The following CFAP65 variants were observed in gnomAD, a reference collection of about 807,000 sequenced individuals.
The protein encoded by CFAP65 is cilia- and flagella-associated protein 65.
CFAP65 carries 155 observed loss-of-function variants against 208.0 expected under a neutral mutation model. That is an observed-to-expected ratio of 0.75 (90% CI 0.65 to 0.85). The LOEUF is 0.85. Among genes scored for constraint, CFAP65 ranks in the 40% least tolerant of loss-of-function variants. CFAP65 has a pLI of 0.00. For missense variants in CFAP65, 2,294 were observed against 2,451.3 expected, an observed-to-expected ratio of 0.94 and a Z score of 1.36; for synonymous variants, 970 against 986.3, an observed-to-expected ratio of 0.98 and a Z score of 0.31.
Position 219,005,499 on chromosome 2 carries a change from G to A in CFAP65, c.4986C>T (p.Asn1662=). ...TCTGCTTGGAAACAGGGCCCCACTTGTTAGGGGATTTTTCCTCAGAAGTCT... is the reference window on the plus strand; with the variant it reads ...TCTGCTTGGAAACAGGGCCCCACTTATTAGGGGATTTTTCCTCAGAAGTCT... The part of the protein sequence containing the change: ...ESETSEEKSP[N]KWGPVSKQKK... Residue 1662 remains asparagine (N), a synonymous_variant, in exon 32 of 35, where the codon AAC becomes AAT. Transcript: ENST00000341552. The A allele has an allele frequency of 6.2e-7, 1 of 1,613,546 alleles. No homozygotes were observed. The highest frequency in any genetic ancestry group is 1.1e-5 in the South Asian group (1 of 91,058).
chr2:219,026,259 A>T (rs1044501576), intron 13 of CFAP65, 100 bp from the exon 14 acceptor site: 1 of 1,275,350 alleles, frequency 7.8e-7, no homozygotes, highest in Non-Finnish European at 1.1e-6. Flanking sequence ...CAGGAGTCTG[A>T]CATTGGACAC....
intron 5 of CFAP65, chr2:219,035,083 A>G: frequency 2.5e-6 from 1 of 407,354 alleles, no homozygotes; most frequent in Non-Finnish European, 4.3e-6. Context: ...AAGGTCACCA[A>G]TTTAACAACT....
chr2:219,009,370 A>G lies in CFAP65; in HGVS notation c.4543T>C (p.Tyr1515His). The G allele has an allele frequency of 6.2e-7, 1 of 1,612,460 alleles. No individual in the cohort carries two copies. Among genetic ancestry groups the G allele is most frequent in the South Asian group, 1.1e-5 (1 of 91,078 alleles). The change falls in exon 28 of 35, where the codon TAC (tyrosine) becomes CAC (histidine). Residue 1515 changes from tyrosine (Y) to histidine (H), a missense_variant. Around this residue, in one of 2 missense-constraint regions of CFAP65, gnomAD observed 1,427 missense variants for 1,438.7 expected, o/e 0.99. Transcript: ENST00000341552. ...TLRASVHASF[Y>H]SADLVCKLYS... ...ACCTTGCATACCAGGTCTGCACTGT[A>G]GAAGCTGGCATGCACAGAGGCCCTC...
chr2:219,024,274 A>T lies in CFAP65; in HGVS notation c.2350-14T>A. The T allele has an allele frequency of 6.2e-7, 1 of 1,605,462 alleles. No homozygotes were observed. The highest frequency in any genetic ancestry group is 8.5e-7 in the Non-Finnish European group (1 of 1,175,436). The stretch of plus-strand genomic sequence containing the variant: ...TGCTGGAAATAGCTGGGGGTGGGAG[A>T]GGAGGAAAGCGGCCCCCCGCTCAGA... On this transcript the variant is annotated splice_polypyrimidine_tract_variant and intron_variant, in intron 14 of 34. Coordinates refer to ENST00000341552, the MANE Select transcript of CFAP65 (RefSeq NM_194302.4).
chr2:219,031,396 C>G lies in CFAP65; in HGVS notation c.816-91G>C. Reference sequence around the variant, plus strand: ...GATGCTGGGCAGAACCTCAGACTACCCTACCCCGACAAGGGTATGCCTGTC... The same window carrying G: ...GATGCTGGGCAGAACCTCAGACTACGCTACCCCGACAAGGGTATGCCTGTC... On this transcript the variant is annotated intron_variant, in intron 7 of 34. Coordinates refer to ENST00000341552, the MANE Select transcript of CFAP65 (RefSeq NM_194302.4). This position sits in a 1 kb window ranked among gnomAD's most constrained non-coding sequence, Gnocchi z 5.2. The G allele has an allele frequency of 6.2e-7, 1 of 1,607,844 alleles. No homozygotes were observed. The highest frequency in any genetic ancestry group is 8.5e-7 in the Non-Finnish European group (1 of 1,176,100).
At chr2:219,035,293 C>T in intron 5 of CFAP65, 187 bp downstream of exon 5, 1 of 1,511,852 alleles carries the variant, frequency 6.6e-7, no homozygotes, top group Non-Finnish European at 8.9e-7. Flanking sequence ...CATTGGGACA[C>T]TATACCACAA....
chr2:219,026,046 G>A lies in CFAP65; in HGVS notation c.2325C>T (p.Pro775=). ...CCTTGGGGACATCTAGGGAATACTG[G>A]GGGATGTGGTGCTCAAAGCCAGCGA... ...SYFAGFEHHI[P]QYSLDVPKLF... is the part of the protein sequence containing the mutation. The change falls in exon 14 of 35, where the codon CCC becomes CCT. Residue 775 remains proline, a synonymous_variant. Coordinates refer to ENST00000341552, the MANE Select transcript of CFAP65 (RefSeq NM_194302.4). 6.2e-7 allele frequency: 1 copy of A among 1,614,142 alleles called. No homozygotes were observed.
Position 219,003,920 on chromosome 2 carries a change from C to T in CFAP65, c.5555+32G>A. 1 of 1,586,256 alleles carries T rather than the reference C, an allele frequency of 6.3e-7. No homozygotes were observed. The highest frequency in any genetic ancestry group is 8.6e-7 in the Non-Finnish European group (1 of 1,164,272). On this transcript the variant is annotated intron_variant, in intron 33 of 34. Coordinates refer to ENST00000341552, the MANE Select transcript of CFAP65 (RefSeq NM_194302.4). The surrounding 1 kb of genome is among the most constrained non-coding windows in gnomAD (Gnocchi z 4.4). Reference sequence around the variant, plus strand: ...CTAGGAACCTTCTGCACTTCGCCTCCCTCCCGTCCTCACTGGGGCCTGGCT... The same window carrying T: ...CTAGGAACCTTCTGCACTTCGCCTCTCTCCCGTCCTCACTGGGGCCTGGCT...
chr2:219,006,723 G>C (rs930216135), intron 29 of CFAP65, among the ~76,000 whole-genome samples: 6 of 151,900 alleles, frequency 3.9e-5, no homozygotes, highest in Admixed American at 6.6e-5. Context: ...AGTCTCAGCT[G>C]CTCAGGAGGC....
At position 219,026,893 on chromosome 2, in the gene CFAP65, C is replaced by T. The variant is rs73090875; in HGVS notation, c.2212-734G>A. The T allele has an allele frequency of 6.8e-4, 674 of 986,844 alleles. 4 individuals are homozygous for T. In the African/African-American group the frequency reaches 0.01, roughly 15 times the overall value. 61.1% of individuals were successfully genotyped at this position (986,844 alleles called of 1,614,324 possible). On this transcript the variant is annotated intron_variant, in intron 13 of 34. Transcript: ENST00000341552. Reference sequence around the variant, plus strand: ...GCCAGAGCATTAGGACGGGGGCAACCAAAGCCTCCACTTTGGAAAGCCTCC... The same window carrying T: ...GCCAGAGCATTAGGACGGGGGCAACTAAAGCCTCCACTTTGGAAAGCCTCC...
rs200642678 is a variant in CFAP65 at position 219,010,860 on chromosome 2, C to T, written c.4094G>A (p.Gly1365Asp). ...CLNPKGEIQP[G>D]STARVLWIFS... ...GATCCACAAGACCCGGGCAGTGCTG[C>T]CTGGCTGGATCTCCCCTTTGGGGTT... Residue 1365 changes from glycine to aspartate, a missense_variant, in exon 25 of 35, where the codon GGC becomes GAC. Physicochemically the swap from Gly to Asp is moderately conservative, Grantham distance 94 (BLOSUM62 -1). This residue lies in a region of CFAP65 where 1,427 missense variants were observed against 1,438.7 expected (regional missense o/e 0.99). Transcript: ENST00000341552. The T allele has an allele frequency of 1.3e-5, 21 of 1,613,582 alleles. No individual in the cohort carries two copies. Among genetic ancestry groups the T allele is most frequent in the Non-Finnish European group, 1.6e-5 (19 of 1,179,878 alleles).
chr2:219,012,394 T>C (rs1440292137), intron 24 of CFAP65, among the ~76,000 whole-genome samples: 1 of 152,194 alleles, frequency 6.6e-6, no homozygotes, highest in African/African-American at 2.4e-5. Flanking sequence ...AGCTTCACTG[T>C]CACAGACCCT....
intron 27 of CFAP65, among the ~76,000 whole-genome samples, 159 bp from the exon 28 acceptor site, chr2:219,009,619 AATGGG>A (rs58969836): frequency 3.3e-3 from 329 of 101,214 alleles, no homozygotes; most frequent in Non-Finnish European, 4.5e-3. Flanking sequence ...GACAAGATGG[AATGGG>A]ATGGGATGGG....
At position 219,026,173 on chromosome 2, in the gene CFAP65, A is replaced by C; in HGVS notation, c.2212-14T>G. 6.2e-7 allele frequency: 1 copy of C among 1,602,178 alleles called. No individual in the cohort carries two copies. Among genetic ancestry groups the C allele is most frequent in the Non-Finnish European group, 8.5e-7 (1 of 1,170,446 alleles). On this transcript the variant is annotated splice_polypyrimidine_tract_variant and intron_variant, in intron 13 of 34. Coordinates refer to ENST00000341552, the MANE Select transcript of CFAP65 (RefSeq NM_194302.4). ...GCTCTGCAGGACCTGCAGAGGGGCC[A>C]GACCCACGGAAAAGCTCAGAGTCCT... is the stretch of plus-strand genomic sequence containing the variant.
intron 21 of CFAP65, chr2:219,018,848 A>C (rs1574578918): frequency 1.5e-6 from 1 of 663,348 alleles, no homozygotes; most frequent in African/African-American, 1.8e-5. Flanking sequence ...TGAGCCTATC[A>C]CCGTGTCTCA....
At chr2:219,020,412 G>A (rs1947196635) in intron 19 of CFAP65, among the ~76,000 whole-genome samples, 1 of 152,020 alleles carries the variant, frequency 6.6e-6, no homozygotes, top group African/African-American at 2.4e-5. Context: ...GGGTCTCACT[G>A]TGTTGCCAGG....
chr2:219,023,954 A>C, intron 15 of CFAP65, 61 bp downstream of exon 15: 7 of 1,559,522 alleles, frequency 4.5e-6, no homozygotes, highest in Non-Finnish European at 6.1e-6. Context: ...GGCCTTGAAA[A>C]GGGTGGTTCA....
chr2:219,025,988 G>C (rs1947604079), intron 14 of CFAP65, 34 bp downstream of exon 14: 1 of 1,608,660 alleles, frequency 6.2e-7, no homozygotes, highest in East Asian at 2.2e-5. Context: ...GGGCTCCCCT[G>C]TCTCCCTCCC....
chr2:219,016,416 T>C (rs1164667976), intron 21 of CFAP65, among the ~76,000 whole-genome samples: 3 of 148,166 alleles, frequency 2.0e-5, no homozygotes, highest in Non-Finnish European at 4.4e-5. Flanking sequence ...TGCCTCAGCC[T>C]CCTGAGTAGC....
Sources: gnomAD v4.1 joint callset for allele counts (sites outside exome capture counted in the v4.1 genomes callset) on GRCh38, gnomAD v4.1.1 for gene constraint, gnomAD v4.1.1 regional missense constraint, Gnocchi (gnomAD v3.1) non-coding constraint, MANE v1.5 for transcripts, NCBI Gene and HGNC (gene_info 2026-07-23, HGNC 2026-07-21) for gene names.